Variants in CHST9 observed in about 807,000 individuals in gnomAD.
CHST9 encodes the protein carbohydrate sulfotransferase 9, also known as GalNAc-4-sulfotransferase 2.
Under a neutral mutation model 44.4 loss-of-function variants are expected in CHST9, and 41 were observed. The ratio of observed to expected loss-of-function variants is 0.92; its 90% CI spans 0.72 to 1.20. The LOEUF is 1.20. Ranked by LOEUF, CHST9 falls within the 50% of genes most tolerant of loss-of-function variation. The probability of loss-of-function intolerance (pLI) is 0.00; values close to 1 mark genes in which losing one functional copy is unlikely to be tolerated. For missense variants in CHST9, 504 were observed against 516.5 expected (o/e 0.98, Z 0.23); for synonymous variants, 171 against 178.4 (o/e 0.96, Z 0.33).
intron 4 of CHST9, among the ~76,000 whole-genome samples, chr18:27,001,769 TATGAC>T (rs1409149376): frequency 6.6e-6 from 1 of 152,090 alleles, no homozygotes; most frequent in Non-Finnish European, 1.5e-5. Context: ...TAAGACTACT[TATGAC>T]AGAAGTTTGG....
intron 2 of CHST9, among the ~76,000 whole-genome samples, chr18:27,117,612 T>C (rs2058338542): frequency 6.6e-6 from 1 of 152,220 alleles, no homozygotes; most frequent in South Asian, 2.1e-4. Flanking sequence ...TCTTGCCTTT[T>C]CCAGAATGTC....
chr18:26,929,238 G>A (rs746657489), intron 5 of CHST9, among the ~76,000 whole-genome samples: 2 of 152,184 alleles, frequency 1.3e-5, no homozygotes, highest in Non-Finnish European at 2.9e-5. Context: ...GTTGCTCAGA[G>A]AAGGCAATCC....
chr18:26,969,366 C>G (rs993081116), intron 4 of CHST9, among the ~76,000 whole-genome samples: 1 of 99,406 alleles, frequency 1.0e-5, no homozygotes, highest in Non-Finnish European at 1.9e-5. Flanking sequence ...TTGATTCTCT[C>G]TCTCTCTCTC....
chr18:27,000,056 A>G (rs2056930735), intron 4 of CHST9, among the ~76,000 whole-genome samples: 1 of 152,242 alleles, frequency 6.6e-6, no homozygotes, highest in South Asian at 2.1e-4. Flanking sequence ...ACTCAGTAAC[A>G]TGCTTGTAAA....
At chr18:27,124,729 T>C (rs1020867783) in intron 2 of CHST9, among the ~76,000 whole-genome samples, 1 of 152,218 alleles carries the variant, frequency 6.6e-6, no homozygotes, top group Non-Finnish European at 1.5e-5. Context: ...CAGGAGTCTC[T>C]ACCTAATTTT....
chr18:26,957,973 G>A lies in CHST9; in HGVS notation c.203-13607C>T, dbSNP rs185994170. 2.9e-4 allele frequency among the ~76,000 whole-genome samples: 44 copies of A among 151,810 alleles called. 1 individual carries two copies. Among genetic ancestry groups the A allele is most frequent in the African/African-American group, 1.0e-3 (42 of 41,418 alleles). On this transcript the variant is annotated intron_variant, in intron 4 of 5. Transcript: ENST00000618847. ...ACGATCTCCACTCACTACAACCTCC[G>A]CCTCCTGGGTTCAAGCAATTCTCCT...
At chr18:26,962,930 A>ATG (rs2056419055) in intron 4 of CHST9, among the ~76,000 whole-genome samples, 1 of 152,216 alleles carries the variant, frequency 6.6e-6, no homozygotes. Context: ...GTGAGATGGG[A>ATG]TGAAGCCAGA....
At chr18:27,071,415 T>C (rs1029557754) in intron 2 of CHST9, among the ~76,000 whole-genome samples, 2 of 152,230 alleles carry the variant, frequency 1.3e-5, no homozygotes, top group Admixed American at 1.3e-4. Flanking sequence ...TTGCTTATAG[T>C]TCTCTTGTGA....
chr18:27,125,408 T>C (rs1260769335), intron 2 of CHST9, among the ~76,000 whole-genome samples: 3 of 152,242 alleles, frequency 2.0e-5, no homozygotes, highest in African/African-American at 7.2e-5. Flanking sequence ...TTTATCATTC[T>C]GATGTTTTTC....
At chr18:26,959,697 C>T (rs2056374729) in intron 4 of CHST9, among the ~76,000 whole-genome samples, 1 of 152,064 alleles carries the variant, frequency 6.6e-6, no homozygotes, top group Non-Finnish European at 1.5e-5. Context: ...TGTATATTGG[C>T]AAAGTAATAA....
At chr18:27,037,320 A>G (rs2057399965) in intron 3 of CHST9, among the ~76,000 whole-genome samples, 1 of 152,130 alleles carries the variant, frequency 6.6e-6, no homozygotes, top group South Asian at 2.1e-4. Flanking sequence ...TACTAGTGGA[A>G]AGGGTATGAT....
At chr18:27,097,592 T>C (rs2058129977) in intron 2 of CHST9, among the ~76,000 whole-genome samples, 1 of 152,132 alleles carries the variant, frequency 6.6e-6, no homozygotes, top group Non-Finnish European at 1.5e-5. Flanking sequence ...TTTGATTAGA[T>C]CACATTTGTC....
rs2055488355 is a variant in CHST9, at chr18:26,914,710, G to C, written c.*1549C>G. ...GAGCGAAGCAATTCATGAATACTCA[G>C]CCATGAAATAGAAAATCAAAATGAA... On this transcript the variant is annotated 3_prime_UTR_variant, in exon 6 of 6. Coordinates refer to ENST00000618847, the MANE Select transcript of CHST9 (RefSeq NM_031422.6). The C allele has an allele frequency of 2.6e-6, 1 of 382,234 alleles. No homozygotes were observed. The highest frequency in any genetic ancestry group is 4.5e-5 in the Admixed American group (1 of 22,260). The allele number at this position is 382,234 out of a possible 1,614,324, so 23.7% of individuals were successfully genotyped here.
chr18:27,079,073 G>A lies in CHST9; in HGVS notation c.122-30570C>T, dbSNP rs970800211. Among the ~76,000 whole-genome samples, 11 of 152,156 alleles carry A rather than the reference G, an allele frequency of 7.2e-5. 1 individual carries two copies. Among genetic ancestry groups the A allele is most frequent in the African/African-American group, 9.7e-5 (4 of 41,440 alleles). Reference sequence around the variant, plus strand: ...GTCTCCATCATCAGCTTGTGGCAATGAGTGGGCGTACTCTGAAGCCCTCCT... The same window carrying A: ...GTCTCCATCATCAGCTTGTGGCAATAAGTGGGCGTACTCTGAAGCCCTCCT... On this transcript the variant is annotated intron_variant, in intron 2 of 5. Transcript: ENST00000618847.
intron 2 of CHST9, among the ~76,000 whole-genome samples, chr18:27,069,964 C>A (rs908563826): frequency 2.0e-5 from 3 of 152,104 alleles, no homozygotes; most frequent in African/African-American, 7.2e-5. Flanking sequence ...ACATGGGTTA[C>A]CATTTTAGCA....
At position 27,049,452 on chromosome 18, in the gene CHST9, T is replaced by C. The variant is rs145607356; in HGVS notation, c.122-949A>G. On this transcript the variant is annotated intron_variant, in intron 2 of 5. Coordinates refer to ENST00000618847, the MANE Select transcript of CHST9 (RefSeq NM_031422.6). Reference sequence around the variant, plus strand: ...AAGGAGCTTGTAAGAGGTCAGAAAATTTAACTATCCTAATATATACGCATC... The same window carrying C: ...AAGGAGCTTGTAAGAGGTCAGAAAACTTAACTATCCTAATATATACGCATC... Among the ~76,000 whole-genome samples, 4 of 152,152 alleles carry C rather than the reference T, an allele frequency of 2.6e-5. No homozygotes were observed. In the East Asian group the frequency reaches 7.7e-4, roughly 29 times the overall value.
At chr18:26,940,684 G>T (rs1322638344) in intron 5 of CHST9, among the ~76,000 whole-genome samples, 1 of 152,178 alleles carries the variant, frequency 6.6e-6, no homozygotes, top group Non-Finnish European at 1.5e-5. Flanking sequence ...AGTGCTCAGA[G>T]GGAGTGATGG....
intron 2 of CHST9, among the ~76,000 whole-genome samples, chr18:27,053,274 G>GAAGAAGAGGA (rs2057606274): frequency 1.9e-5 from 1 of 52,688 alleles, no homozygotes; most frequent in African/African-American, 5.8e-5. Flanking sequence ...GAAGGAGAAG[G>GAAGAAGAGGA]AGAAGGAGAA....
Position 26,917,309 on chromosome 18 carries a change from C to A in CHST9, c.282G>T (p.Lys94Asn), listed in dbSNP as rs755085945. Reference protein sequence around the residue: ...FHMPEDVREKKENLLLNSERS... With the variant: ...FHMPEDVREKNENLLLNSERS... The stretch of plus-strand genomic sequence containing the variant: ...TCTCAGAATTGAGTAGAAGATTTTC[C>A]TTTTTTTCTCGTACATCCTCAGGCA... The change falls in exon 6 of 6, where the codon AAG (lysine) becomes AAT (asparagine). Residue 94 changes from lysine (K) to asparagine (N), a missense_variant. Transcript: ENST00000618847. The A allele has an allele frequency of 6.2e-7, 1 of 1,612,420 alleles. No homozygotes were observed. Among genetic ancestry groups the A allele is most frequent in the Non-Finnish European group, 8.5e-7 (1 of 1,179,442 alleles).
Sources: gnomAD v4.1 joint callset for allele counts (sites outside exome capture counted in the v4.1 genomes callset) on GRCh38, gnomAD v4.1.1 for gene constraint, MANE v1.5 for transcripts, NCBI Gene and HGNC (gene_info 2026-07-23, HGNC 2026-07-21) for gene names.